NRG1: variants seen among roughly 807,000 people sequenced by gnomAD.
The protein encoded by NRG1 is pro-neuregulin-1, membrane-bound isoform.
A neutral mutation model predicts 63.8 loss-of-function variants in NRG1; 18 were observed. The observed-to-expected ratio is 0.28, with a 90% CI of 0.19 to 0.42. NRG1 has a LOEUF of 0.42. Among genes scored for constraint, NRG1 ranks in the 10% least tolerant of loss-of-function variants. NRG1 has a pLI of 1.00. For missense variants in NRG1, 762 were observed against 814.7 expected, an observed-to-expected ratio of 0.94 and a Z score of 0.79; for synonymous variants, 302 against 301.3, an observed-to-expected ratio of 1.00 and a Z score of -0.02.
intron 1 of NRG1, among the ~76,000 whole-genome samples, chr8:31,652,447 C>T (rs940722056): frequency 2.0e-5 from 3 of 152,226 alleles, no homozygotes; most frequent in African/African-American, 7.2e-5. Flanking sequence ...CAGGATAAAA[C>T]TCAGACCCCT....
chr8:32,233,563 A>ATATATATATATATATATATTT (rs34593729), intron 1 of NRG1, among the ~76,000 whole-genome samples: 1 of 67,264 alleles, frequency 1.5e-5, no homozygotes, highest in Admixed American at 2.2e-4. Flanking sequence ...ATATATATAT[A>ATATATATATATATATATATTT]TTTTTTTTTT....
intron 1 of NRG1, among the ~76,000 whole-genome samples, chr8:32,535,817 A>C (rs908794215): frequency 6.6e-6 from 1 of 152,158 alleles, no homozygotes. Context: ...TGCACCTTGG[A>C]GATAGCCTTG....
chr8:32,246,953 T>G (rs1199014879), intron 1 of NRG1, among the ~76,000 whole-genome samples: 2 of 152,008 alleles, frequency 1.3e-5, no homozygotes, highest in East Asian at 3.9e-4. Flanking sequence ...TTGGGAAGAG[T>G]AAATTTCAAA....
intron 1 of NRG1, among the ~76,000 whole-genome samples, chr8:32,503,763 C>A (rs952510678): frequency 6.6e-6 from 1 of 152,098 alleles, no homozygotes; most frequent in Admixed American, 6.5e-5. Flanking sequence ...GACGGACATA[C>A]GCAGAGTGAG....
intron 1 of NRG1, among the ~76,000 whole-genome samples, chr8:31,668,595 A>T (rs1486080038): frequency 1.3e-5 from 2 of 152,204 alleles, no homozygotes; most frequent in East Asian, 1.9e-4. Flanking sequence ...ATTGAAGACT[A>T]GATATTTGGA....
intron 1 of NRG1, among the ~76,000 whole-genome samples, chr8:32,368,881 C>T (rs749449130): frequency 1.7e-4 from 26 of 152,120 alleles, no homozygotes; most frequent in African/African-American, 4.8e-4. Context: ...TTTAAATCAC[C>T]GTAACACTGC....
chr8:32,047,024 GC>G (rs1821115678), intron 1 of NRG1, among the ~76,000 whole-genome samples: 1 of 151,886 alleles, frequency 6.6e-6, no homozygotes, highest in South Asian at 2.1e-4. Context: ...CCATTCTCTG[GC>G]TACACTCATT....
intron 1 of NRG1, among the ~76,000 whole-genome samples, chr8:31,758,678 A>G (rs1228381437): frequency 6.6e-6 from 1 of 152,108 alleles, no homozygotes. Context: ...TATGCCACAC[A>G]ATGGATATTT....
intron 1 of NRG1, among the ~76,000 whole-genome samples, chr8:31,868,404 C>T (rs747376046): frequency 2.6e-5 from 4 of 152,176 alleles, no homozygotes; most frequent in Non-Finnish European, 4.4e-5. Flanking sequence ...TGAAACTGAT[C>T]AGTCATCCAT....
intron 1 of NRG1, among the ~76,000 whole-genome samples, chr8:32,357,394 G>A (rs1346360837): frequency 6.6e-6 from 1 of 152,144 alleles, no homozygotes; most frequent in Admixed American, 6.6e-5. Context: ...AAAGGCCAAA[G>A]TTTTAGAACA....
At chr8:31,785,056 A>G (rs1393627113) in intron 1 of NRG1, among the ~76,000 whole-genome samples, 1 of 152,178 alleles carries the variant, frequency 6.6e-6, no homozygotes, top group East Asian at 1.9e-4. Context: ...TAAGTCCACA[A>G]GAAGGCTTTT....
At chr8:31,653,937 A>G (rs1015387358) in intron 1 of NRG1, among the ~76,000 whole-genome samples, 2 of 140,296 alleles carry the variant, frequency 1.4e-5, no homozygotes, top group Non-Finnish European at 3.0e-5. Flanking sequence ...TGCTGACTTA[A>G]TTGAGTTTCA....
chr8:32,745,706 G>A (rs546416289), intron 7 of NRG1, among the ~76,000 whole-genome samples: 20 of 152,076 alleles, frequency 1.3e-4, no homozygotes, highest in East Asian at 7.7e-4. Context: ...GTGTCCACAC[G>A]TATGTGTGTG....
In NRG1 at chr8:31,939,111, A is replaced by T. The variant is rs1470409100; in HGVS notation, c.37+299680A>T. 2.0e-5 allele frequency among the ~76,000 whole-genome samples: 3 copies of T among 152,196 alleles called. No homozygotes were observed. The East Asian group carries it at 5.8e-4, about 29-fold the overall frequency. On this transcript the variant is annotated intron_variant, in intron 1 of 10. Coordinates refer to the NRG1 transcript ENST00000519301. The stretch of plus-strand genomic sequence containing the variant: ...AAGATCATTGGCTTGGCACACAGTC[A>T]TCAGGTTATCTAAAGTCAAGATGAA...
chr8:31,855,571 G>A lies in NRG1; in HGVS notation c.37+216140G>A, dbSNP rs1379460527. ...TGGGTCTTGACTTTTTATCCAGTTT[G>A]CCAGTCTGTGTCTTTTAATTGGAGC... is the stretch of plus-strand genomic sequence containing the variant. On this transcript the variant is annotated intron_variant, in intron 1 of 10. Coordinates refer to the NRG1 transcript ENST00000519301. Among the ~76,000 whole-genome samples the A allele has an allele frequency of 3.9e-5, 6 of 152,198 alleles. No homozygotes were observed. The East Asian group carries it at 1.2e-3, about 29-fold the overall frequency.
intron 5 of NRG1, among the ~76,000 whole-genome samples, chr8:32,692,568 G>A (rs1812039866): frequency 6.6e-6 from 1 of 152,142 alleles, no homozygotes; most frequent in South Asian, 2.1e-4. Flanking sequence ...GTGGGTCATG[G>A]AACAAAAATA....
At chr8:31,917,037 C>A (rs1401603801) in intron 1 of NRG1, among the ~76,000 whole-genome samples, 1 of 151,418 alleles carries the variant, frequency 6.6e-6, no homozygotes, top group African/African-American at 2.4e-5. Context: ...CCTTCGCCCA[C>A]TTTTTGATGT....
chr8:31,849,828 G>A (rs1191941505), intron 1 of NRG1, among the ~76,000 whole-genome samples: 1 of 152,142 alleles, frequency 6.6e-6, no homozygotes, highest in Non-Finnish European at 1.5e-5. Context: ...CTATAAATCT[G>A]AGTCAGTAAT....
intron 1 of NRG1, among the ~76,000 whole-genome samples, chr8:31,945,668 A>G (rs1244573321): frequency 1.3e-5 from 2 of 152,198 alleles, no homozygotes; most frequent in Non-Finnish European, 2.9e-5. Context: ...GTCTAGCCGC[A>G]GCTCCCTTTC....
Sources: gnomAD v4.1 joint callset for allele counts (sites outside exome capture counted in the v4.1 genomes callset) on GRCh38, gnomAD v4.1.1 for gene constraint, MANE v1.5 for transcripts, NCBI Gene and HGNC (gene_info 2026-07-23, HGNC 2026-07-21) for gene names.